ALK: variants seen among roughly 807,000 people sequenced by gnomAD.
ALK encodes the protein ALK tyrosine kinase receptor.
Under a neutral mutation model 163.1 loss-of-function variants are expected in ALK, and 74 were observed. The observed-to-expected ratio is 0.45, with a 90% confidence interval of 0.38 to 0.55. The LOEUF is 0.55. ALK is among the 20% of genes least tolerant of loss of function. The pLI is 0.00. For missense variants in ALK, 2,063 were observed against 2,105.3 expected, an observed-to-expected ratio of 0.98 and a Z score of 0.39; for synonymous variants, 960 against 843.2, an observed-to-expected ratio of 1.14 and a Z score of -2.40.
At chr2:29,891,408 C>T (rs1667141841) in intron 1 of ALK, among the ~76,000 whole-genome samples, 1 of 152,178 alleles carries the variant, frequency 6.6e-6, no homozygotes, top group Admixed American at 6.5e-5. Context: ...GTGGGTAACA[C>T]TATGCATCTT....
chr2:29,752,847 C>T (rs1368679938), intron 1 of ALK, among the ~76,000 whole-genome samples: 2 of 152,096 alleles, frequency 1.3e-5, no homozygotes, highest in Non-Finnish European at 2.9e-5. Flanking sequence ...TTTCAAGGAG[C>T]GAAAGGACTC....
At chr2:29,430,874 T>A (rs999476867) in intron 4 of ALK, among the ~76,000 whole-genome samples, 1 of 152,152 alleles carries the variant, frequency 6.6e-6, no homozygotes, top group Non-Finnish European at 1.5e-5. Context: ...ATCGGGAACT[T>A]CAGAAGGCAA....
chr2:29,302,179 A>G (rs1666390549), intron 8 of ALK, among the ~76,000 whole-genome samples: 2 of 152,350 alleles, frequency 1.3e-5, no homozygotes, highest in South Asian at 4.1e-4. Context: ...CCAGACAGCC[A>G]CTGGACCCAA....
intron 4 of ALK, among the ~76,000 whole-genome samples, chr2:29,417,738 C>A (rs544828964): frequency 2.8e-4 from 42 of 152,340 alleles, no homozygotes; most frequent in African/African-American, 9.9e-4. Flanking sequence ...GGAAGAGAGA[C>A]TTCCTCAGGG....
intron 4 of ALK, among the ~76,000 whole-genome samples, chr2:29,437,067 A>T (rs533863231): frequency 6.6e-6 from 1 of 152,268 alleles, no homozygotes; most frequent in Non-Finnish European, 1.5e-5. Context: ...CAACCATGTG[A>T]TGCTGCCTTC....
chr2:29,697,907 A>T (rs533798400), intron 2 of ALK, among the ~76,000 whole-genome samples: 2 of 152,322 alleles, frequency 1.3e-5, no homozygotes, highest in South Asian at 2.1e-4. Flanking sequence ...GGGTGTCCAC[A>T]CCCATAGACA....
chr2:29,193,967 A>G lies in ALK; in HGVS notation c.4165-45T>C, dbSNP rs185756626. Reference sequence around the variant, plus strand: ...TAAAACTTTGAATCAGAGACAAAAAATGTTGGATCTAGAAGATACCTTAGA... The same window carrying G: ...TAAAACTTTGAATCAGAGACAAAAAGTGTTGGATCTAGAAGATACCTTAGA... On this transcript the variant is annotated intron_variant, in intron 28 of 28. Transcript: ENST00000389048. 3,210 of 1,579,626 alleles carry G rather than the reference A, an allele frequency of 2.0e-3. 5 individuals carry two copies. Among genetic ancestry groups the G allele is most frequent in the Non-Finnish European group, 2.5e-3 (2,872 of 1,149,904 alleles).
Position 29,226,907 on chromosome 2 carries a change from G to C in ALK, c.3067+15C>G, listed in dbSNP as rs2148178230. ...GCTATGGGCCCCTCTGCCTCCCCTG[G>C]CCCTGCCCCCTTACCAATGCAGGAG... On this transcript the variant is annotated intron_variant, in intron 18 of 28. Transcript: ENST00000389048. 3.1e-6 allele frequency: 5 copies of C among 1,613,798 alleles called. No individual in the cohort carries two copies. The highest frequency in any genetic ancestry group is 4.2e-6 in the Non-Finnish European group (5 of 1,179,958).
intron 1 of ALK, among the ~76,000 whole-genome samples, chr2:29,816,383 A>G (rs1323743569): frequency 6.6e-6 from 1 of 152,168 alleles, no homozygotes; most frequent in Non-Finnish European, 1.5e-5. Flanking sequence ...ATACTTACAT[A>G]CATATATGAA....
intron 4 of ALK, among the ~76,000 whole-genome samples, chr2:29,514,393 C>T (rs573782286): frequency 8.2e-4 from 124 of 151,462 alleles, no homozygotes; most frequent in Non-Finnish European, 1.3e-3. Context: ...AGTAAACTAT[C>T]GCAAGAACAA....
intron 4 of ALK, among the ~76,000 whole-genome samples, chr2:29,469,436 T>C (rs1441869004): frequency 6.6e-6 from 1 of 152,216 alleles, no homozygotes; most frequent in Admixed American, 6.5e-5. Context: ...CACTTGCATT[T>C]ATTTTTAGGT....
intron 9 of ALK, among the ~76,000 whole-genome samples, chr2:29,295,826 T>C (rs1187446513): frequency 6.6e-6 from 1 of 152,156 alleles, no homozygotes; most frequent in Non-Finnish European, 1.5e-5. Context: ...CAGAGGCTGC[T>C]GTGGGTTGTA....
chr2:29,301,151 A>T (rs1248062149), intron 8 of ALK, among the ~76,000 whole-genome samples: 1 of 152,170 alleles, frequency 6.6e-6, no homozygotes, highest in Non-Finnish European at 1.5e-5. Flanking sequence ...TACTTGCCAG[A>T]TTTGCACCTG....
chr2:29,595,747 A>C (rs915417849), intron 3 of ALK, among the ~76,000 whole-genome samples: 7 of 152,228 alleles, frequency 4.6e-5, no homozygotes, highest in Non-Finnish European at 7.3e-5. Context: ...ATTTTCAATG[A>C]AAGGAAGAAT....
chr2:29,525,277 A>T (rs1352600644), intron 4 of ALK, among the ~76,000 whole-genome samples: 3 of 152,194 alleles, frequency 2.0e-5, no homozygotes, highest in Non-Finnish European at 2.9e-5. Context: ...CACCTTAAAC[A>T]CAAGTCCCTC....
intron 4 of ALK, among the ~76,000 whole-genome samples, chr2:29,438,836 G>T (rs1458167417): frequency 6.6e-6 from 1 of 152,192 alleles, no homozygotes; most frequent in Non-Finnish European, 1.5e-5. Flanking sequence ...AATGGAGTAG[G>T]TTACAATATC....
At chr2:29,360,128 A>G (rs1204798465) in intron 5 of ALK, among the ~76,000 whole-genome samples, 1 of 152,106 alleles carries the variant, frequency 6.6e-6, no homozygotes, top group Non-Finnish European at 1.5e-5. Context: ...AAATAAATCA[A>G]TGGCTCTGAG....
At chr2:29,587,701 G>C (rs537314176) in intron 3 of ALK, among the ~76,000 whole-genome samples, 2 of 152,144 alleles carry the variant, frequency 1.3e-5, no homozygotes, top group African/African-American at 4.8e-5. Context: ...ACAAGAGCCC[G>C]GGTGAGGGGA....
intron 3 of ALK, among the ~76,000 whole-genome samples, chr2:29,603,145 G>A (rs1280275013): frequency 6.6e-6 from 1 of 152,148 alleles, no homozygotes; most frequent in African/African-American, 2.4e-5. Context: ...CAGAGACCAA[G>A]GTTCTTATTA....
Sources: allele counts gnomAD v4.1 joint callset (sites outside exome capture counted in the v4.1 genomes callset), GRCh38; gene constraint gnomAD v4.1.1; transcripts MANE v1.5; gene names NCBI Gene and HGNC (gene_info 2026-07-23, HGNC 2026-07-21).